Variants in MVB12B observed in about 807,000 individuals in gnomAD.
The protein encoded by MVB12B is multivesicular body subunit 12B.
A neutral mutation model predicts 41.6 loss-of-function variants in MVB12B; 16 were observed. The ratio of observed to expected loss-of-function variants is 0.38; its 90% CI spans 0.26 to 0.58. The LOEUF is 0.58. Ranked by LOEUF, MVB12B falls within the 20% of genes least tolerant of loss-of-function variation. The pLI is 0.62. For missense variants in MVB12B, 274 were observed against 380.2 expected (o/e 0.72, Z 2.32); for synonymous variants, 133 against 139.7 (o/e 0.95, Z 0.34).
At chr9:126,475,927 G>T (rs533979157) in intron 7 of MVB12B, among the ~76,000 whole-genome samples, 1 of 152,156 alleles carries the variant, frequency 6.6e-6, no homozygotes, top group African/African-American at 2.4e-5. Flanking sequence ...TCCTTCTGTC[G>T]TGAACTCTCA....
intron 7 of MVB12B, among the ~76,000 whole-genome samples, chr9:126,447,046 G>T (rs1245165862): frequency 5.4e-5 from 8 of 148,420 alleles, no homozygotes; most frequent in Non-Finnish European, 8.9e-5. Context: ...CCAGGTTCAA[G>T]TGATTCTCCT....
chr9:126,481,400 G>A lies in MVB12B; in HGVS notation c.789G>A (p.Glu263=), dbSNP rs1833520046. ...AMDGVPFMIS[E]KFSCVPESMQ... ...ATGGTGTGCCTTTTATGATTTCAGA[G>A]AAGTTTTCTTGTGTTCCAGAAAGTG... Residue 263 remains glutamate, a synonymous_variant, in exon 8 of 10, where the codon GAG becomes GAA. Coordinates refer to ENST00000361171, the MANE Select transcript of MVB12B (RefSeq NM_033446.3). 1.2e-6 allele frequency: 2 copies of A among 1,613,780 alleles called. No homozygotes were observed. The highest frequency in any genetic ancestry group is 4.5e-5 in the East Asian group (2 of 44,874).
At chr9:126,375,354 A>G (rs1164505985) in intron 2 of MVB12B, among the ~76,000 whole-genome samples, 1 of 124,256 alleles carries the variant, frequency 8.0e-6, no homozygotes, top group Non-Finnish European at 1.7e-5. Flanking sequence ...TTTAATTTTT[A>G]AATTGATTCT....
intron 2 of MVB12B, among the ~76,000 whole-genome samples, chr9:126,369,722 C>G (rs549851845): frequency 6.6e-6 from 1 of 152,266 alleles, no homozygotes; most frequent in African/African-American, 2.4e-5. Context: ...AGCGCAATCT[C>G]AGCTCACTGC....
At chr9:126,444,388 T>A (rs752686513) in intron 7 of MVB12B, among the ~76,000 whole-genome samples, 18 of 152,298 alleles carry the variant, frequency 1.2e-4, no homozygotes, top group Non-Finnish European at 1.9e-4. Context: ...TTTTTTTTTT[T>A]AATTTTTATC....
At chr9:126,408,444 CTGTG>C (rs1831515118) in intron 6 of MVB12B, 1 of 152,240 alleles carries the variant, frequency 6.6e-6, no homozygotes, top group African/African-American at 2.4e-5. Context: ...GATCCGGGGT[CTGTG>C]CCTGCAGTGG....
intron 7 of MVB12B, among the ~76,000 whole-genome samples, chr9:126,431,771 T>C (rs374473775): frequency 9.9e-5 from 15 of 152,218 alleles, no homozygotes; most frequent in African/African-American, 3.6e-4. Context: ...AGGCCCTGTC[T>C]CTCCCACCGA....
At chr9:126,378,936 C>A (rs375876986) in intron 2 of MVB12B, among the ~76,000 whole-genome samples, 23 of 152,206 alleles carry the variant, frequency 1.5e-4, no homozygotes, top group African/African-American at 5.5e-4. Flanking sequence ...ATTGGCAAGC[C>A]CTGGAGACCT....
At chr9:126,471,356 C>T (rs1029114936) in intron 7 of MVB12B, among the ~76,000 whole-genome samples, 11 of 152,230 alleles carry the variant, frequency 7.2e-5, no homozygotes, top group Non-Finnish European at 5.9e-5. Context: ...GGCGTTCACA[C>T]GTGTCTGACT....
intron 2 of MVB12B, among the ~76,000 whole-genome samples, chr9:126,349,184 G>A (rs778602188): frequency 3.3e-5 from 5 of 152,250 alleles, no homozygotes; most frequent in East Asian, 3.9e-4. Flanking sequence ...ATTTTGGCAG[G>A]TCCTGGGGTA....
At chr9:126,404,045 C>G (rs1831346953) in intron 6 of MVB12B, among the ~76,000 whole-genome samples, 1 of 150,258 alleles carries the variant, frequency 6.7e-6, no homozygotes, top group Non-Finnish European at 1.5e-5. Flanking sequence ...CCTCTGCCTC[C>G]TGGGTTCAAG....
At chr9:126,430,151 C>T (rs917222516) in intron 7 of MVB12B, among the ~76,000 whole-genome samples, 16 of 152,164 alleles carry the variant, frequency 1.1e-4, no homozygotes, top group Non-Finnish European at 8.8e-5. Flanking sequence ...GTAGCTGACT[C>T]ATCTCTCCAA....
intron 7 of MVB12B, among the ~76,000 whole-genome samples, chr9:126,442,380 A>G (rs1020679318): frequency 6.6e-6 from 1 of 152,216 alleles, no homozygotes; most frequent in African/African-American, 2.4e-5. Flanking sequence ...TAGAGTAGAC[A>G]TGGATGACCT....
chr9:126,422,251 C>G (rs1230294227), intron 7 of MVB12B, among the ~76,000 whole-genome samples: 1 of 152,200 alleles, frequency 6.6e-6, no homozygotes, highest in African/African-American at 2.4e-5. Context: ...CAGACCCGGG[C>G]AGGCTTCCCA....
chr9:126,344,792 C>T (rs1029472135), intron 2 of MVB12B, among the ~76,000 whole-genome samples: 1 of 152,214 alleles, frequency 6.6e-6, no homozygotes, highest in East Asian at 1.9e-4. Context: ...TGGCAAGGGC[C>T]TCATTGCTGC....
Position 126,367,604 on chromosome 9 carries a change from T to G in MVB12B, c.205-13460T>G, listed in dbSNP as rs941472890. 6.6e-6 allele frequency among the ~76,000 whole-genome samples: 1 copy of G among 152,224 alleles called. No homozygotes were observed. Among genetic ancestry groups the G allele is most frequent in the Non-Finnish European group, 1.5e-5 (1 of 68,040 alleles). ...GCCTTATGCTTGCTTTTGAGAGCTC[T>G]CAGCACTTGGCGCTCCCTTACAGCA... On this transcript the variant is annotated intron_variant, in intron 2 of 9. Transcript: ENST00000361171. The surrounding 1 kb of genome is among the most constrained non-coding windows in gnomAD (Gnocchi z 4.3).
intron 2 of MVB12B, among the ~76,000 whole-genome samples, chr9:126,358,346 A>G (rs1829938698): frequency 6.6e-6 from 1 of 152,162 alleles, no homozygotes; most frequent in South Asian, 2.1e-4. Flanking sequence ...TACAAAAAAA[A>G]AAAGCCTTCT....
rs1251175213 is a variant in MVB12B, at chr9:126,326,983, A to G, written c.54A>G (p.Pro18=). The G allele has an allele frequency of 1.3e-5, 3 of 236,054 alleles. No homozygotes were observed. The highest frequency in any genetic ancestry group is 3.6e-5 in the South Asian group (1 of 27,590). 14.6% of individuals were successfully genotyped at this position (236,054 alleles called of 1,614,324 possible). A position where few individuals can be genotyped will look rare whatever the true frequency, so the allele number is the denominator to read the frequency against. Residue 18 remains proline (P), a synonymous_variant, in exon 1 of 10, where the codon CCA becomes CCG. Coordinates refer to ENST00000361171, the MANE Select transcript of MVB12B (RefSeq NM_033446.3). ...GCCGGGACCCGCCGCCGCCGCAGCC[A>G]CCGCCGCCGCCGCCCCAGCGGGGAA... The part of the protein sequence containing the change: ...RRSRDPPPPQ[P]PPPPPQRGTD...
Position 126,369,325 on chromosome 9 carries a change from A to G in MVB12B, c.205-11739A>G, listed in dbSNP as rs553694381. ...GGTCTATTGTCTGATTTTTAAAATT[A>G]AAAAGTTATGTTACAAAATATTCCA... On this transcript the variant is annotated intron_variant, in intron 2 of 9. Transcript: ENST00000361171. Among the ~76,000 whole-genome samples, 5 of 152,352 alleles carry G rather than the reference A, an allele frequency of 3.3e-5. No individual in the cohort carries two copies. The East Asian group carries it at 9.6e-4, about 29-fold the overall frequency.
Sources: allele counts gnomAD v4.1 joint callset (sites outside exome capture counted in the v4.1 genomes callset), GRCh38; gene constraint gnomAD v4.1.1; non-coding constraint Gnocchi (gnomAD v3.1); transcripts MANE v1.5; gene names NCBI Gene and HGNC (gene_info 2026-07-23, HGNC 2026-07-21).